Variants in ADAMTS16 observed in about 807,000 individuals in gnomAD.
ADAMTS16 encodes A disintegrin and metalloproteinase with thrombospondin motifs 16.
A neutral mutation model predicts 145.8 loss-of-function variants in ADAMTS16; 94 were observed. The observed-to-expected ratio is 0.64, with a 90% CI of 0.55 to 0.77. The LOEUF (loss-of-function observed/expected upper bound fraction) is 0.77, where lower values mean the gene tolerates loss of function less well. Among genes scored for constraint, ADAMTS16 ranks in the 30% least tolerant of loss-of-function variants. The pLI, the probability that ADAMTS16 is intolerant of heterozygous loss-of-function variation, is 0.00. For missense variants in ADAMTS16, 1,585 were observed against 1,591.5 expected (o/e 1.00, Z 0.07); for synonymous variants, 659 against 604.3 (o/e 1.09, Z -1.33).
At chr5:5,247,407 A>G (rs1737480372) in intron 17 of ADAMTS16, among the ~76,000 whole-genome samples, 1 of 152,150 alleles carries the variant, frequency 6.6e-6, no homozygotes, top group Non-Finnish European at 1.5e-5. Flanking sequence ...GAGAAAAACA[A>G]AGGTTTGTTT....
At chr5:5,261,636 C>T (rs1261165154) in intron 17 of ADAMTS16, among the ~76,000 whole-genome samples, 2 of 152,110 alleles carry the variant, frequency 1.3e-5, no homozygotes, top group South Asian at 2.1e-4. Context: ...CAGGCACGTG[C>T]CACCACGCCC....
At chr5:5,236,425 G>C (rs1004656089) in intron 13 of ADAMTS16, among the ~76,000 whole-genome samples, 2 of 151,976 alleles carry the variant, frequency 1.3e-5, no homozygotes, top group African/African-American at 2.4e-5. Context: ...TATTTCTCTA[G>C]GTACCAATAT....
intron 3 of ADAMTS16, among the ~76,000 whole-genome samples, chr5:5,161,430 A>G (rs1734741844): frequency 6.6e-6 from 1 of 152,198 alleles, no homozygotes; most frequent in Non-Finnish European, 1.5e-5. Flanking sequence ...GTCATGGGAT[A>G]AGGGGACATA....
At chr5:5,192,350 C>T (rs1428493206) in intron 8 of ADAMTS16, among the ~76,000 whole-genome samples, 1 of 152,146 alleles carries the variant, frequency 6.6e-6, no homozygotes, top group Non-Finnish European at 1.5e-5. Context: ...GTGGGCTGAT[C>T]TCATTCCATG....
intron 18 of ADAMTS16, among the ~76,000 whole-genome samples, chr5:5,267,111 GCTTA>G (rs1258861848): frequency 6.6e-6 from 1 of 152,266 alleles, no homozygotes; most frequent in Admixed American, 6.5e-5. Context: ...TGAGGGCGTG[GCTTA>G]CTTCTTTGGT....
intron 10 of ADAMTS16, among the ~76,000 whole-genome samples, chr5:5,212,808 A>G (rs575492145): frequency 6.6e-6 from 1 of 152,258 alleles, no homozygotes; most frequent in African/African-American, 2.4e-5. Flanking sequence ...GTAGATTTCA[A>G]TCTACTGTTT....
intron 10 of ADAMTS16, among the ~76,000 whole-genome samples, chr5:5,215,339 A>G (rs1382027795): frequency 6.6e-6 from 1 of 152,186 alleles, no homozygotes; most frequent in Admixed American, 6.5e-5. Context: ...CATCAATTGT[A>G]ACTGCATTCT....
At chr5:5,184,523 C>T (rs1735442634) in intron 4 of ADAMTS16, among the ~76,000 whole-genome samples, 1 of 152,126 alleles carries the variant, frequency 6.6e-6, no homozygotes, top group South Asian at 2.1e-4. Flanking sequence ...TGATTCTTTC[C>T]TATTAGAGTC....
At chr5:5,281,527 A>G (rs1350452642) in intron 18 of ADAMTS16, among the ~76,000 whole-genome samples, 3 of 152,252 alleles carry the variant, frequency 2.0e-5, no homozygotes, top group Non-Finnish European at 4.4e-5. Flanking sequence ...TAACACAAAT[A>G]TAATGTGTAA....
intron 2 of ADAMTS16, among the ~76,000 whole-genome samples, chr5:5,141,676 T>G (rs566533320): frequency 6.6e-6 from 1 of 152,330 alleles, no homozygotes; most frequent in East Asian, 1.9e-4. Flanking sequence ...ATCTAGAAAA[T>G]TAAAGTTAAC....
chr5:5,190,147 G>C lies in ADAMTS16; in HGVS notation c.1207+17G>C. The C allele has an allele frequency of 1.3e-6, 2 of 1,572,548 alleles. No homozygotes were observed. The highest frequency in any genetic ancestry group is 1.2e-5 in the South Asian group (1 of 83,270). ...ACACTTTGGGTGAGAACCTCCAGCA[G>C]AGTGTGAGGACCGTGTGTGGAATGT... On this transcript the variant is annotated intron_variant, in intron 7 of 22. Coordinates refer to ENST00000274181, the MANE Select transcript of ADAMTS16 (RefSeq NM_139056.4).
At chr5:5,294,605 C>G (rs1739455516) in intron 18 of ADAMTS16, among the ~76,000 whole-genome samples, 1 of 152,216 alleles carries the variant, frequency 6.6e-6, no homozygotes, top group East Asian at 1.9e-4. Context: ...ACAGAAATGT[C>G]TAGAATAATG....
Position 5,147,342 on chromosome 5 carries a change from T to C in ADAMTS16, c.501+887T>C, listed in dbSNP as rs1466191635. On this transcript the variant is annotated intron_variant, in intron 3 of 22. Coordinates refer to ENST00000274181, the MANE Select transcript of ADAMTS16 (RefSeq NM_139056.4). ...TTGGCCAACAGGTCTGGGACGTTTATTGCTTCTCTAGAAAAAGCTTTCAGT... is the reference window on the plus strand; with the variant it reads ...TTGGCCAACAGGTCTGGGACGTTTACTGCTTCTCTAGAAAAAGCTTTCAGT... 2.0e-5 allele frequency among the ~76,000 whole-genome samples: 3 copies of C among 152,210 alleles called. No homozygotes were observed. In the East Asian group the frequency reaches 5.8e-4, roughly 29 times the overall value.
At chr5:5,287,322 G>T (rs1739141470) in intron 18 of ADAMTS16, among the ~76,000 whole-genome samples, 1 of 152,186 alleles carries the variant, frequency 6.6e-6, no homozygotes, top group African/African-American at 2.4e-5. Flanking sequence ...AAGCTTAAAA[G>T]ATAAAACTTA....
intron 18 of ADAMTS16, among the ~76,000 whole-genome samples, chr5:5,280,073 C>T (rs965134136): frequency 6.6e-6 from 1 of 151,872 alleles, no homozygotes; most frequent in Non-Finnish European, 1.5e-5. Flanking sequence ...CACAATCCTT[C>T]CAGTGTCTGA....
At chr5:5,289,028 G>A (rs1399167287) in intron 18 of ADAMTS16, among the ~76,000 whole-genome samples, 4 of 152,198 alleles carry the variant, frequency 2.6e-5, no homozygotes, top group Non-Finnish European at 5.9e-5. Flanking sequence ...GTGTATGTGT[G>A]CTTTAAAAGG....
At position 5,242,106 on chromosome 5, in the gene ADAMTS16, C is replaced by T. The variant is rs1165353041; in HGVS notation, c.2577C>T (p.Arg859=). The change falls in exon 17 of 23, where the codon CGC becomes CGT. Residue 859 remains arginine (R), a synonymous_variant. Coordinates refer to ENST00000274181, the MANE Select transcript of ADAMTS16 (RefSeq NM_139056.4). ...TTGCCTGGGAATACTCCATGCCTCG[C>T]TTGGGGACCGAGAAGCAGCCCCCTG... ...PGVAWEYSMP[R]LGTEKQPPAQ... is the part of the protein sequence containing the mutation. The T allele has an allele frequency of 1.2e-6, 2 of 1,614,192 alleles. No homozygotes were observed. Among genetic ancestry groups the T allele is most frequent in the Middle Eastern group, 1.6e-4 (1 of 6,062 alleles).
intron 3 of ADAMTS16, among the ~76,000 whole-genome samples, chr5:5,151,626 GAGA>G (rs57282642): frequency 0.11 from 16,599 of 150,982 alleles, 953 homozygotes; most frequent in East Asian, 0.19. Context: ...CACACACAAT[GAGA>G]AGATTACTAC....
intron 3 of ADAMTS16, among the ~76,000 whole-genome samples, chr5:5,151,585 C>T (rs1483881367): frequency 2.7e-5 from 4 of 149,244 alleles, no homozygotes; most frequent in Non-Finnish European, 5.9e-5. Flanking sequence ...AAGGTGAAAA[C>T]ATGATGTTTA....
Sources: gnomAD v4.1 joint callset for allele counts (sites outside exome capture counted in the v4.1 genomes callset) on GRCh38, gnomAD v4.1.1 for gene constraint, MANE v1.5 for transcripts, NCBI Gene and HGNC (gene_info 2026-07-23, HGNC 2026-07-21) for gene names.